The following DNAJC1 variants were observed in gnomAD, a reference collection of about 807,000 sequenced individuals.
DNAJC1 encodes the protein dnaJ homolog subfamily C member 1.
In DNAJC1, 58 loss-of-function variants were observed where a neutral mutation model predicts 76.6. That is an observed-to-expected ratio of 0.76 (90% CI 0.61 to 0.94). The LOEUF (loss-of-function observed/expected upper bound fraction) is 0.94. Among genes scored for constraint, DNAJC1 ranks in the 40% least tolerant of loss-of-function variants. The probability of loss-of-function intolerance (pLI) is 0.00; values close to 1 mark genes in which losing one functional copy is unlikely to be tolerated. For missense variants in DNAJC1, 689 were observed against 677.3 expected (o/e 1.02, Z -0.19); for synonymous variants, 258 against 267.9 (o/e 0.96, Z 0.36).
chr10:21,952,362 CT>C (rs572328964), intron 1 of DNAJC1, among the ~76,000 whole-genome samples: 3 of 152,114 alleles, frequency 2.0e-5, no homozygotes, highest in South Asian at 2.1e-4. Flanking sequence ...AAAACAATAG[CT>C]TTTTTTTCTT....
At chr10:21,776,051 T>C (rs181281945) in intron 9 of DNAJC1, among the ~76,000 whole-genome samples, 22 of 152,304 alleles carry the variant, frequency 1.4e-4, no homozygotes, top group Non-Finnish European at 2.9e-4. Flanking sequence ...GATGTAAGTT[T>C]GTGATTTATG....
intron 1 of DNAJC1, among the ~76,000 whole-genome samples, chr10:21,931,953 C>A (rs1273060727): frequency 1.3e-5 from 2 of 152,030 alleles, no homozygotes; most frequent in Non-Finnish European, 2.9e-5. Flanking sequence ...GGCAAGCTAA[C>A]CATGAATTAT....
In DNAJC1 at chr10:21,827,320, C is replaced by T. The variant is rs576933563; in HGVS notation, c.979-21221G>A. On this transcript the variant is annotated intron_variant, in intron 8 of 11. Transcript: ENST00000376980. ...TTGGACATTAGGTTTCCAAGATTTACCCATATTGATACATATAGTTTTAGT... is the reference window on the plus strand; with the variant it reads ...TTGGACATTAGGTTTCCAAGATTTATCCATATTGATACATATAGTTTTAGT... Among the ~76,000 whole-genome samples the T allele has an allele frequency of 2.0e-5, 3 of 152,230 alleles. No homozygotes were observed. In the South Asian group the frequency reaches 6.2e-4, roughly 32 times the overall value.
chr10:21,871,194 G>A (rs1023691405), intron 8 of DNAJC1, among the ~76,000 whole-genome samples: 3 of 152,238 alleles, frequency 2.0e-5, no homozygotes, highest in Admixed American at 2.0e-4. Flanking sequence ...AAAAGTTTGA[G>A]AGGAAAGGCT....
At chr10:21,790,939 T>A (rs897604671) in intron 9 of DNAJC1, among the ~76,000 whole-genome samples, 5 of 152,186 alleles carry the variant, frequency 3.3e-5, no homozygotes, top group African/African-American at 1.2e-4. Context: ...CAAAATAAAA[T>A]TTTTAAAAAT....
At chr10:21,835,216 G>A (rs1304488764) in intron 8 of DNAJC1, among the ~76,000 whole-genome samples, 1 of 152,214 alleles carries the variant, frequency 6.6e-6, no homozygotes, top group African/African-American at 2.4e-5. Flanking sequence ...CAGGCAAACA[G>A]GGTCTGGAGT....
intron 1 of DNAJC1, among the ~76,000 whole-genome samples, chr10:21,999,256 A>G (rs1317116175): frequency 6.6e-6 from 1 of 152,194 alleles, no homozygotes; most frequent in Admixed American, 6.5e-5. Flanking sequence ...TGTGACCGCC[A>G]TACGGTTAAT....
intron 8 of DNAJC1, among the ~76,000 whole-genome samples, chr10:21,838,252 AG>A (rs1178769422): frequency 2.0e-5 from 3 of 152,152 alleles, no homozygotes; most frequent in Non-Finnish European, 2.9e-5. Context: ...AAGTAGACAT[AG>A]GAGACTCCAT....
intron 6 of DNAJC1, among the ~76,000 whole-genome samples, chr10:21,908,189 T>TATATAATATATAATATATAAAAAA (rs1178283445): frequency 1.0e-5 from 1 of 100,216 alleles, no homozygotes; most frequent in African/African-American, 4.1e-5. Context: ...TATATAAAAA[T>TATATAATATATAATATATAAAAAA]ATATATTATA....
At chr10:21,942,430 T>A (rs913764168) in intron 1 of DNAJC1, among the ~76,000 whole-genome samples, 22 of 152,048 alleles carry the variant, frequency 1.4e-4, no homozygotes, top group Admixed American at 1.2e-3. Context: ...AAACAAAAAA[T>A]AAGCAAAATT....
At chr10:21,852,133 A>G (rs1835767400) in intron 8 of DNAJC1, among the ~76,000 whole-genome samples, 1 of 143,098 alleles carries the variant, frequency 7.0e-6, no homozygotes, top group Admixed American at 7.0e-5. Flanking sequence ...ACACACACAC[A>G]CGGAATATTA....
intron 1 of DNAJC1, among the ~76,000 whole-genome samples, chr10:21,978,140 T>C (rs552194936): frequency 6.6e-6 from 1 of 152,218 alleles, no homozygotes; most frequent in East Asian, 1.9e-4. Flanking sequence ...CATCCAAATA[T>C]ATATAGATTT....
intron 1 of DNAJC1, among the ~76,000 whole-genome samples, chr10:21,960,925 G>T (rs1392234549): frequency 4.6e-5 from 7 of 152,032 alleles, no homozygotes; most frequent in Non-Finnish European, 8.8e-5. Context: ...ATGGGCAAAG[G>T]ATTTTAATAG....
chr10:21,959,488 TA>T, intron 1 of DNAJC1, among the ~76,000 whole-genome samples: 1 of 152,060 alleles, frequency 6.6e-6, no homozygotes, highest in East Asian at 1.9e-4. Flanking sequence ...AATACATTTT[TA>T]AAACACTGAT....
intron 7 of DNAJC1, among the ~76,000 whole-genome samples, chr10:21,888,614 T>C (rs1184777261): frequency 1.3e-5 from 2 of 152,226 alleles, no homozygotes; most frequent in African/African-American, 4.8e-5. Flanking sequence ...AATGAGATCA[T>C]GTCTTTTGCA....
Position 21,806,078 on chromosome 10 carries a change from C to T in DNAJC1, c.1000G>A (p.Asp334Asn). Residue 334 changes from aspartate (D) to asparagine (N), a missense_variant, in exon 9 of 12, where the codon GAC (aspartate) becomes AAC (asparagine). Coordinates refer to ENST00000376980, the MANE Select transcript of DNAJC1 (RefSeq NM_022365.4). ...ATACTTCTTGTCAGTTGGCTGAGGTCCTCTTCTGTCCATTCAGGTGCCTGC... is the reference window on the plus strand; with the variant it reads ...ATACTTCTTGTCAGTTGGCTGAGGTTCTCTTCTGTCCATTCAGGTGCCTGC... Reference protein sequence around the residue: ...KKQAPEWTEEDLSQLTRSMVK... With the variant: ...KKQAPEWTEENLSQLTRSMVK... 1 of 1,612,008 alleles carries T rather than the reference C, an allele frequency of 6.2e-7. No homozygotes were observed. Among genetic ancestry groups the T allele is most frequent in the East Asian group, 2.2e-5 (1 of 44,862 alleles).
intron 7 of DNAJC1, among the ~76,000 whole-genome samples, chr10:21,899,644 G>A (rs1280523415): frequency 6.6e-6 from 1 of 152,210 alleles, no homozygotes; most frequent in Non-Finnish European, 1.5e-5. Context: ...GGACCTCCCT[G>A]TGGGGGCTTC....
chr10:21,969,274 A>G (rs1266504297), intron 1 of DNAJC1, among the ~76,000 whole-genome samples: 2 of 151,890 alleles, frequency 1.3e-5, no homozygotes, highest in African/African-American at 4.8e-5. Context: ...AAGAGTTGGA[A>G]TAATCCTTTA....
At chr10:21,956,564 T>C (rs1224129938) in intron 1 of DNAJC1, among the ~76,000 whole-genome samples, 5 of 150,688 alleles carry the variant, frequency 3.3e-5, no homozygotes, top group Admixed American at 6.6e-5. Flanking sequence ...CATATATAAA[T>C]ACATATTTAT....
Sources: gnomAD v4.1 joint callset for allele counts (sites outside exome capture counted in the v4.1 genomes callset) on GRCh38, gnomAD v4.1.1 for gene constraint, MANE v1.5 for transcripts, NCBI Gene and HGNC (gene_info 2026-07-23, HGNC 2026-07-21) for gene names.